FEZ1: variants seen among roughly 807,000 people sequenced by gnomAD.
FEZ1 encodes fasciculation and elongation protein zeta-1.
A neutral mutation model predicts 49.3 loss-of-function variants in FEZ1; 20 were observed. The observed-to-expected ratio is 0.41, with a 90% CI of 0.29 to 0.59. The LOEUF is 0.59. Among genes scored for constraint, FEZ1 ranks in the 20% least tolerant of loss-of-function variants. The pLI, the probability that FEZ1 is intolerant of heterozygous loss-of-function variation, is 0.36. For missense variants in FEZ1, 413 were observed against 476.0 expected, an observed-to-expected ratio of 0.87 and a Z score of 1.23; for synonymous variants, 170 against 180.9, an observed-to-expected ratio of 0.94 and a Z score of 0.48.
chr11:125,485,581 C>A (rs1014019544), intron 2 of FEZ1, among the ~76,000 whole-genome samples: 2 of 152,146 alleles, frequency 1.3e-5, no homozygotes, highest in Non-Finnish European at 2.9e-5. Flanking sequence ...TGCAGTCATG[C>A]CAATATCCAC....
intron 6 of FEZ1, among the ~76,000 whole-genome samples, chr11:125,454,774 G>C (rs1358499321): frequency 6.6e-6 from 1 of 152,074 alleles, no homozygotes; most frequent in African/African-American, 2.4e-5. Context: ...CCAGCACTTT[G>C]GGAGGCCGAG....
intron 2 of FEZ1, among the ~76,000 whole-genome samples, chr11:125,486,916 G>C (rs1957330252): frequency 6.6e-6 from 1 of 152,132 alleles, no homozygotes; most frequent in African/African-American, 2.4e-5. Flanking sequence ...TTATAAAGAG[G>C]GGTTAGAACT....
intron 1 of FEZ1, among the ~76,000 whole-genome samples, chr11:125,493,425 G>GAAAGAAA (rs1565306988): frequency 2.0e-4 from 7 of 35,126 alleles, no homozygotes; most frequent in Middle Eastern, 0.01. Context: ...AAAGAAAGAA[G>GAAAGAAA]GAAAGAAGGA....
chr11:125,451,109 T>C (rs1019039418), intron 8 of FEZ1, among the ~76,000 whole-genome samples: 2 of 152,232 alleles, frequency 1.3e-5, no homozygotes, highest in African/African-American at 2.4e-5. Flanking sequence ...ACTTTACATA[T>C]ATCAACCTTC....
At position 125,479,359 on chromosome 11, in the gene FEZ1, T is replaced by G. The variant is rs115232294; in HGVS notation, c.411+2175A>C. On this transcript the variant is annotated intron_variant, in intron 3 of 9. Coordinates refer to ENST00000278919, the MANE Select transcript of FEZ1 (RefSeq NM_005103.5). ...TACTTGGACTCAATTCTGAAACACT[T>G]AGAAAGATTAGACCCATCCAACTCT... Among the ~76,000 whole-genome samples, 1,022 of 152,276 alleles carry G rather than the reference T, an allele frequency of 6.7e-3. 14 individuals are homozygous for G. The highest frequency in any genetic ancestry group is 0.023 in the African/African-American group (946 of 41,566).
chr11:125,489,592 G>A lies in FEZ1; in HGVS notation c.186C>T (p.Leu62=), dbSNP rs766289017. ...EIISFKSMED[L]VNEFDEKLNV... ...TGAGCTTCTCATCAAATTCATTTAC[G>A]AGGTCCTCCATGGACTTGAAGCTGA... The change falls in exon 2 of 10, where the codon CTC becomes CTT. Residue 62 remains leucine, a synonymous_variant. Coordinates refer to ENST00000278919, the MANE Select transcript of FEZ1 (RefSeq NM_005103.5). This position sits in a 1 kb window ranked among gnomAD's most constrained non-coding sequence, Gnocchi z 4.2. The A allele has an allele frequency of 1.7e-5, 28 of 1,614,066 alleles. No individual in the cohort carries two copies. Among genetic ancestry groups the A allele is most frequent in the African/African-American group, 2.7e-5 (2 of 74,916 alleles).
At chr11:125,452,714 G>A (rs1267305671) in intron 7 of FEZ1, 3 of 318,084 alleles carry the variant, frequency 9.4e-6, no homozygotes, top group Non-Finnish European at 1.1e-5. Context: ...ATAAATCCAA[G>A]GGGATTATAT....
chr11:125,494,358 C>G (rs11220098), intron 1 of FEZ1, among the ~76,000 whole-genome samples: 2,086 of 152,284 alleles, frequency 0.014, 47 homozygotes, highest in African/African-American at 0.046. Context: ...AGCCCACTTT[C>G]TTTCGCCCTC....
rs567453609 is a variant in FEZ1, at chr11:125,445,250, T to C, written c.*845A>G. The stretch of plus-strand genomic sequence containing the variant: ...GTTGGGGACAAACAGGGAGTGGTGG[T>C]TTCGTCAAGTACAGGAAACAAGTTG... On this transcript the variant is annotated 3_prime_UTR_variant, in exon 10 of 10. Coordinates refer to ENST00000278919, the MANE Select transcript of FEZ1 (RefSeq NM_005103.5). This position sits in a 1 kb window ranked among gnomAD's most constrained non-coding sequence, Gnocchi z 4.4. 6.6e-6 allele frequency among the ~76,000 whole-genome samples: 1 copy of C among 152,162 alleles called. No individual in the cohort carries two copies. Among genetic ancestry groups the C allele is most frequent in the Non-Finnish European group, 1.5e-5 (1 of 67,986 alleles).
At chr11:125,480,881 T>C (rs1957272911) in intron 3 of FEZ1, among the ~76,000 whole-genome samples, 1 of 151,692 alleles carries the variant, frequency 6.6e-6, no homozygotes, top group Non-Finnish European at 1.5e-5. Context: ...CTACTAAAAA[T>C]ACAAAAAATT....
chr11:125,478,448 T>A (rs1957251808), intron 3 of FEZ1, among the ~76,000 whole-genome samples: 1 of 151,954 alleles, frequency 6.6e-6, no homozygotes, highest in Non-Finnish European at 1.5e-5. Flanking sequence ...TCTCAAAAAA[T>A]AAAAAAAATT....
chr11:125,465,448 C>T lies in FEZ1; in HGVS notation c.412-1878G>A, dbSNP rs553124200. 5.9e-5 allele frequency among the ~76,000 whole-genome samples: 9 copies of T among 152,240 alleles called. No homozygotes were observed. The South Asian group carries it at 1.9e-3, about 32-fold the overall frequency. On this transcript the variant is annotated intron_variant, in intron 3 of 9. Coordinates refer to ENST00000278919, the MANE Select transcript of FEZ1 (RefSeq NM_005103.5). Reference sequence around the variant, plus strand: ...AAATGCTAATAAGCCTGGGCTGTGGCCGGAATGATGCACTAGTAGAGTTTC... The same window carrying T: ...AAATGCTAATAAGCCTGGGCTGTGGTCGGAATGATGCACTAGTAGAGTTTC...
At chr11:125,453,480 A>G (rs1240190812) in intron 7 of FEZ1, 2 of 152,110 alleles carry the variant, frequency 1.3e-5, no homozygotes, top group East Asian at 3.8e-4. Flanking sequence ...ATACACTTTC[A>G]TGTACACTCA....
At position 125,495,368 on chromosome 11, in the gene FEZ1, A is replaced by G. The variant is rs1404651618; in HGVS notation, c.-46+753T>C. 2 of 470,476 alleles carry G rather than the reference A, an allele frequency of 4.3e-6. No homozygotes were observed. The highest frequency in any genetic ancestry group is 8.8e-6 in the Non-Finnish European group (2 of 226,656). The allele number at this position is 470,476 out of a possible 1,614,324, so 29.1% of individuals were successfully genotyped here. On this transcript the variant is annotated intron_variant, in intron 1 of 9. Coordinates refer to ENST00000278919, the MANE Select transcript of FEZ1 (RefSeq NM_005103.5). The surrounding 1 kb of genome is among the most constrained non-coding windows in gnomAD (Gnocchi z 4.2). ...GGAGAGAAGGGATAGGCAAAAGGGA[A>G]GAAGAGCGGGCTGTGATACCTCCTC...
intron 2 of FEZ1, among the ~76,000 whole-genome samples, chr11:125,482,696 G>A (rs1957293785): frequency 6.6e-6 from 1 of 152,094 alleles, no homozygotes; most frequent in Non-Finnish European, 1.5e-5. Flanking sequence ...CGGGCGCGAT[G>A]GCTCACGCCT....
intron 6 of FEZ1, 111 bp downstream of exon 6, chr11:125,455,724 C>G (rs753180402): frequency 1.8e-6 from 2 of 1,111,808 alleles, no homozygotes; most frequent in Non-Finnish European, 2.8e-6. Context: ...GTGCTGCTCA[C>G]CACCACTGCT....
intron 9 of FEZ1, 25 bp from the exon 10 acceptor site, chr11:125,446,136 G>C (rs1257118120): frequency 6.2e-7 from 1 of 1,613,508 alleles, no homozygotes; most frequent in Non-Finnish European, 8.5e-7. Context: ...GAGGAGGGGA[G>C]AGCGGTCAGA....
chr11:125,489,914 A>G lies in FEZ1; in HGVS notation c.-45-92T>C, dbSNP rs1026003084. On this transcript the variant is annotated intron_variant, in intron 1 of 9. Coordinates refer to ENST00000278919, the MANE Select transcript of FEZ1 (RefSeq NM_005103.5). The surrounding 1 kb of genome is among the most constrained non-coding windows in gnomAD (Gnocchi z 4.2). ...GAGACACACCTGCTTCCAATTCCCT[A>G]CTCCAAAAAACAAGGCACTGGTTAA... 13 of 1,160,374 alleles carry G rather than the reference A, an allele frequency of 1.1e-5. No homozygotes were observed. In the African/African-American group the frequency reaches 1.6e-4, roughly 14 times the overall value. 71.9% of individuals were successfully genotyped at this position (1,160,374 alleles called of 1,614,324 possible). A position where few individuals can be genotyped will look rare whatever the true frequency, so the allele number is the denominator to read the frequency against.
Position 125,443,874 on chromosome 11 carries a change from T to C in FEZ1, c.*2221A>G, listed in dbSNP as rs1591575179. On this transcript the variant is annotated 3_prime_UTR_variant, in exon 10 of 10. Transcript: ENST00000278919. ...ACTCCCAGCAGCTTTGATTAGCTTG[T>C]CTCTGCCGCTTCAGACACCTGCTGG... Among the ~76,000 whole-genome samples, 1 of 152,164 alleles carries C rather than the reference T, an allele frequency of 6.6e-6. No individual in the cohort carries two copies. Among genetic ancestry groups the C allele is most frequent in the East Asian group, 1.9e-4 (1 of 5,194 alleles).
Sources: gnomAD v4.1 joint callset for allele counts (sites outside exome capture counted in the v4.1 genomes callset) on GRCh38, gnomAD v4.1.1 for gene constraint, Gnocchi (gnomAD v3.1) non-coding constraint, MANE v1.5 for transcripts, NCBI Gene and HGNC (gene_info 2026-07-23, HGNC 2026-07-21) for gene names.